The following ULK4 variants were observed in gnomAD, a reference collection of about 807,000 sequenced individuals.
The protein encoded by ULK4 is inactive serine/threonine-protein kinase ULK4.
ULK4 carries 133 observed loss-of-function variants against 160.6 expected under a neutral mutation model. That is an observed-to-expected ratio of 0.83 (90% CI 0.72 to 0.96). The LOEUF is 0.96. Ranked by LOEUF, ULK4 falls within the 40% of genes least tolerant of loss-of-function variation. ULK4 has a pLI of 0.00. For synonymous variants in ULK4, 534 were observed against 539.8 expected (o/e 0.99, Z 0.15); for missense variants, 1,580 against 1,499.5 (o/e 1.05, Z -0.89).
At chr3:41,839,274 A>G (rs79817383) in intron 17 of ULK4, among the ~76,000 whole-genome samples, 36 of 151,922 alleles carry the variant, frequency 2.4e-4, no homozygotes, top group African/African-American at 8.0e-4. Flanking sequence ...TGGGAGGTGG[A>G]GGTTAGAGTG....
chr3:41,425,878 G>C lies in ULK4; in HGVS notation c.3493-27614C>G, dbSNP rs7625616. 4.3e-3 allele frequency among the ~76,000 whole-genome samples: 652 copies of C among 152,228 alleles called. 4 individuals are homozygous for C. The highest frequency in any genetic ancestry group is 0.015 in the African/African-American group (622 of 41,540). ...ATGAAGCAACTACATTAACAAGTCT[G>C]CAAAATAACCAGCTAGCATCATGAT... On this transcript the variant is annotated intron_variant, in intron 34 of 36. Coordinates refer to ENST00000301831, the MANE Select transcript of ULK4 (RefSeq NM_017886.4).
chr3:41,724,242 A>G (rs926671931), intron 22 of ULK4, among the ~76,000 whole-genome samples: 1 of 152,198 alleles, frequency 6.6e-6, no homozygotes, highest in Admixed American at 6.5e-5. Flanking sequence ...GGCTATTTCA[A>G]TTAATGAATA....
At position 41,433,376 on chromosome 3, in the gene ULK4, G is replaced by A. The variant is rs75965826; in HGVS notation, c.3492+22121C>T. 1.2e-3 allele frequency among the ~76,000 whole-genome samples: 178 copies of A among 152,292 alleles called. 4 individuals carry two copies. In the East Asian group the frequency reaches 0.031, roughly 27 times the overall value. On this transcript the variant is annotated intron_variant, in intron 34 of 36. Coordinates refer to ENST00000301831, the MANE Select transcript of ULK4 (RefSeq NM_017886.4). ...GGAGAAACAGACAATCTTTTGATGA[G>A]AATGAAAACTGGTCCTCTAGCTTTT...
intron 30 of ULK4, among the ~76,000 whole-genome samples, chr3:41,652,656 G>A (rs1468740882): frequency 6.6e-6 from 1 of 152,196 alleles, no homozygotes; most frequent in Admixed American, 6.5e-5. Flanking sequence ...AGAAAGAGGT[G>A]GGGGTCAGAA....
At chr3:41,506,618 T>G (rs925233945) in intron 32 of ULK4, among the ~76,000 whole-genome samples, 1 of 151,588 alleles carries the variant, frequency 6.6e-6, no homozygotes, top group Non-Finnish European at 1.5e-5. Flanking sequence ...TCAACTTCTC[T>G]GTTTATTTTC....
intron 2 of ULK4, among the ~76,000 whole-genome samples, chr3:41,944,344 G>A (rs1175326499): frequency 1.3e-5 from 2 of 152,180 alleles, no homozygotes; most frequent in African/African-American, 4.8e-5. Context: ...GGAGGATGAG[G>A]CAGGAGAATT....
Position 41,835,863 on chromosome 3 carries a change from C to G in ULK4, c.1764+1G>C, listed in dbSNP as rs2041738165. 1 of 1,596,650 alleles carries G rather than the reference C, an allele frequency of 6.3e-7. No individual in the cohort carries two copies. Among genetic ancestry groups the G allele is most frequent in the East Asian group, 2.2e-5 (1 of 44,788 alleles). ...CAACAGAGTTAATCAGACAGTCTCA[C>G]CTGGGTGGCTACAAGATAGATCAGC... On this transcript the variant is annotated splice_donor_variant, in intron 18 of 36. Transcript: ENST00000301831. LOFTEE classifies it high-confidence loss of function.
chr3:41,593,904 G>A (rs1385119708), intron 31 of ULK4, among the ~76,000 whole-genome samples: 1 of 151,700 alleles, frequency 6.6e-6, no homozygotes, highest in South Asian at 2.1e-4. Context: ...ATCACGGCAT[G>A]TATCTGTAGT....
intron 35 of ULK4, among the ~76,000 whole-genome samples, chr3:41,266,886 C>T (rs2079044042): frequency 1.3e-5 from 2 of 151,848 alleles, no homozygotes; most frequent in South Asian, 4.2e-4. Flanking sequence ...TGCTAGGAGT[C>T]GACTTATGTG....
intron 35 of ULK4, among the ~76,000 whole-genome samples, chr3:41,372,688 A>C (rs1399780777): frequency 1.3e-5 from 2 of 152,162 alleles, no homozygotes; most frequent in African/African-American, 4.8e-5. Context: ...GCAGAAACAA[A>C]CCAAAATGTA....
intron 32 of ULK4, among the ~76,000 whole-genome samples, chr3:41,536,384 C>T (rs1038065307): frequency 5.9e-5 from 9 of 152,014 alleles, no homozygotes; most frequent in South Asian, 4.2e-4. Flanking sequence ...TTTCTTAAAA[C>T]GCAATACAGT....
intron 5 of ULK4, among the ~76,000 whole-genome samples, chr3:41,929,593 C>A (rs922223260): frequency 6.6e-5 from 10 of 152,106 alleles, no homozygotes; most frequent in Non-Finnish European, 1.5e-4. Context: ...AAAACCCCAT[C>A]GTCTCAGCCC....
At chr3:41,350,646 T>C (rs942649961) in intron 35 of ULK4, among the ~76,000 whole-genome samples, 4 of 152,214 alleles carry the variant, frequency 2.6e-5, no homozygotes, top group African/African-American at 4.8e-5. Flanking sequence ...TACTCTTAAC[T>C]GTCTTTCCTA....
chr3:41,371,620 C>T (rs181703025), intron 35 of ULK4, among the ~76,000 whole-genome samples: 22 of 152,206 alleles, frequency 1.4e-4, no homozygotes, highest in African/African-American at 4.8e-4. Flanking sequence ...AAAGGACAAC[C>T]ACGCAGACAC....
chr3:41,918,571 AG>A, intron 6 of ULK4, 31 bp from the exon 7 acceptor site: 1 of 1,147,540 alleles, frequency 8.7e-7, no homozygotes, highest in Non-Finnish European at 1.2e-6. Flanking sequence ...GCAAAATGAA[AG>A]AAGTCTGCTA....
chr3:41,380,008 T>C (rs758759202), intron 35 of ULK4, among the ~76,000 whole-genome samples: 1 of 152,210 alleles, frequency 6.6e-6, no homozygotes, highest in African/African-American at 2.4e-5. Flanking sequence ...TTGGCTGTCA[T>C]GTGCTCACAT....
rs376243947 is a variant in ULK4, at chr3:41,938,048, GT to G, written c.238+49del. 2.9e-4 allele frequency: 397 copies of G among 1,360,122 alleles called. 2 individuals carry two copies. The East Asian group carries it at 8.4e-3, about 29-fold the overall frequency. 84.3% of individuals were successfully genotyped at this position (1,360,122 alleles called of 1,614,324 possible). ...CAAAAGTAACAAAACTTAACAGCAT[GT>G]TTTTTTTCAATACTATATTCATAGC... On this transcript the variant is annotated intron_variant, in intron 3 of 36. Coordinates refer to ENST00000301831, the MANE Select transcript of ULK4 (RefSeq NM_017886.4).
chr3:41,830,431 G>A (rs758614064), intron 18 of ULK4, among the ~76,000 whole-genome samples: 1 of 152,082 alleles, frequency 6.6e-6, no homozygotes, highest in Non-Finnish European at 1.5e-5. Context: ...AAGCAAATCA[G>A]TGGTAGTATG....
chr3:41,555,874 G>A (rs2087275429), intron 32 of ULK4, among the ~76,000 whole-genome samples: 1 of 152,144 alleles, frequency 6.6e-6, no homozygotes, highest in South Asian at 2.1e-4. Context: ...TTCCTTTGCA[G>A]GGGGACATGG....
Sources: gnomAD v4.1 joint callset for allele counts (sites outside exome capture counted in the v4.1 genomes callset) on GRCh38, gnomAD v4.1.1 for gene constraint, MANE v1.5 for transcripts, NCBI Gene and HGNC (gene_info 2026-07-23, HGNC 2026-07-21) for gene names.